The following DLGAP2 variants were observed in gnomAD, a reference collection of about 807,000 sequenced individuals.
The protein encoded by DLGAP2 is DLG associated protein 2.
DLGAP2 carries 26 observed loss-of-function variants against 100.3 expected under a neutral mutation model. The ratio of observed to expected loss-of-function variants is 0.26; its 90% CI spans 0.19 to 0.36. The LOEUF is 0.36. Ranked by LOEUF, DLGAP2 falls within the 10% of genes least tolerant of loss-of-function variation. DLGAP2 has a pLI of 1.00. For missense variants in DLGAP2, 1,858 were observed against 1,453.2 expected (o/e 1.28, Z -4.53); for synonymous variants, 886 against 630.1 (o/e 1.41, Z -6.08).
chr8:1,149,178 C>T (rs959272676), intron 2 of DLGAP2, among the ~76,000 whole-genome samples: 4 of 151,996 alleles, frequency 2.6e-5, no homozygotes, highest in Non-Finnish European at 4.4e-5. Context: ...TGGAGCCTCG[C>T]TCTGTTGCCC....
intron 2 of DLGAP2, among the ~76,000 whole-genome samples, chr8:915,194 T>C (rs1798564824): frequency 6.6e-6 from 1 of 152,156 alleles, no homozygotes. Context: ...CCTGCATCTG[T>C]GTGGATGGTG....
chr8:1,652,043 G>A (rs993905758), intron 8 of DLGAP2, among the ~76,000 whole-genome samples: 11 of 152,298 alleles, frequency 7.2e-5, no homozygotes, highest in East Asian at 1.9e-4. Context: ...TTTTCCTTGA[G>A]AATTAAGTTG....
chr8:1,305,673 TC>T (rs1221073035), intron 3 of DLGAP2, among the ~76,000 whole-genome samples: 3 of 152,174 alleles, frequency 2.0e-5, no homozygotes, highest in Non-Finnish European at 2.9e-5. Context: ...ACTGCAGGCC[TC>T]CATCAACCTG....
Position 1,417,272 on chromosome 8 carries a change from G to A in DLGAP2, c.107-84094G>A, listed in dbSNP as rs190826928. On this transcript the variant is annotated intron_variant, in intron 3 of 14. Coordinates refer to ENST00000637795, the MANE Select transcript of DLGAP2 (RefSeq NM_001346810.2). ...AGACCGGCATTCATTTAGCGTCTGA[G>A]GCGGGAGGAGAGACCGGCGTTCATT... Among the ~76,000 whole-genome samples, 307 of 152,036 alleles carry A rather than the reference G, an allele frequency of 2.0e-3. 1 individual carries two copies. The highest frequency in any genetic ancestry group is 3.4e-3 in the Admixed American group (52 of 15,264).
At chr8:738,526 T>C (rs1314408660) in intron 1 of DLGAP2, 2 of 152,272 alleles carry the variant, frequency 1.3e-5, no homozygotes, top group Non-Finnish European at 2.9e-5. Flanking sequence ...CAGGGTTTTG[T>C]AACTAAGCCT....
chr8:1,079,160 G>C (rs1803718942), intron 2 of DLGAP2, among the ~76,000 whole-genome samples: 1 of 152,182 alleles, frequency 6.6e-6, no homozygotes, highest in Non-Finnish European at 1.5e-5. Context: ...GTGGTGTGGA[G>C]TGTCTTTTCA....
chr8:1,618,733 CCAGA>C (rs1418551314), intron 6 of DLGAP2, among the ~76,000 whole-genome samples: 1 of 152,080 alleles, frequency 6.6e-6, no homozygotes, highest in Non-Finnish European at 1.5e-5. Flanking sequence ...ATATTTGGGG[CCAGA>C]CAATTGTCTC....
At chr8:1,279,982 G>C (rs1799783540) in intron 3 of DLGAP2, among the ~76,000 whole-genome samples, 1 of 152,186 alleles carries the variant, frequency 6.6e-6, no homozygotes, top group Non-Finnish European at 1.5e-5. Flanking sequence ...ACTGTACCAA[G>C]ATGAAGAAGT....
chr8:1,694,822 T>C (rs1284176316), intron 13 of DLGAP2, among the ~76,000 whole-genome samples: 1 of 151,534 alleles, frequency 6.6e-6, no homozygotes, highest in African/African-American at 2.4e-5. Context: ...ATGAGTTTGC[T>C]GGGGGAAAGG....
At chr8:746,189 C>T (rs1263813326) in intron 1 of DLGAP2, among the ~76,000 whole-genome samples, 1 of 152,244 alleles carries the variant, frequency 6.6e-6, no homozygotes, top group Non-Finnish European at 1.5e-5. Context: ...GCCATCCCTC[C>T]AGTGCTCCCA....
At chr8:1,620,785 C>T (rs1276341766) in intron 6 of DLGAP2, among the ~76,000 whole-genome samples, 1 of 152,186 alleles carries the variant, frequency 6.6e-6, no homozygotes, top group Non-Finnish European at 1.5e-5. Flanking sequence ...GCCCCACGCA[C>T]AGGGACCGTC....
chr8:1,266,926 T>C (rs577397493), intron 3 of DLGAP2, among the ~76,000 whole-genome samples: 1 of 152,140 alleles, frequency 6.6e-6, no homozygotes, highest in African/African-American at 2.4e-5. Context: ...AGGGGATGTG[T>C]AATAGTTTGT....
At chr8:1,060,624 A>G (rs543480613) in intron 2 of DLGAP2, among the ~76,000 whole-genome samples, 2 of 152,204 alleles carry the variant, frequency 1.3e-5, no homozygotes, top group South Asian at 4.1e-4. Flanking sequence ...TAAAGACCTC[A>G]TTCCCGAGTA....
intron 2 of DLGAP2, among the ~76,000 whole-genome samples, chr8:1,222,381 C>G (rs1170128764): frequency 6.6e-6 from 1 of 152,194 alleles, no homozygotes; most frequent in Non-Finnish European, 1.5e-5. Context: ...GGGCTGCATG[C>G]TCTAACCCTG....
intron 2 of DLGAP2, among the ~76,000 whole-genome samples, chr8:1,240,776 A>G (rs75701185): frequency 0.023 from 369 of 16,138 alleles, 65 homozygotes; most frequent in African/African-American, 0.12. Context: ...TAGTTGTCTC[A>G]CATGGTGCCG....
chr8:1,222,732 G>T (rs940596244), intron 2 of DLGAP2, among the ~76,000 whole-genome samples: 1 of 152,104 alleles, frequency 6.6e-6, no homozygotes, highest in African/African-American at 2.4e-5. Flanking sequence ...TGCTCTGATG[G>T]TCAGACGGGC....
At chr8:1,694,247 GAC>G (rs1799323044) in intron 13 of DLGAP2, among the ~76,000 whole-genome samples, 2 of 152,226 alleles carry the variant, frequency 1.3e-5, no homozygotes, top group East Asian at 3.9e-4. Context: ...TGGTGCCTGA[GAC>G]AGGCCTGGCA....
At chr8:1,498,684 T>A (rs184352380) in intron 3 of DLGAP2, among the ~76,000 whole-genome samples, 2 of 152,220 alleles carry the variant, frequency 1.3e-5, no homozygotes, top group Admixed American at 1.3e-4. Context: ...TCGGCATTTA[T>A]AACAATCTAC....
At chr8:1,418,022 C>G (rs566509616) in intron 3 of DLGAP2, among the ~76,000 whole-genome samples, 2 of 152,298 alleles carry the variant, frequency 1.3e-5, no homozygotes, top group Admixed American at 6.5e-5. Context: ...CAGTCCCGTT[C>G]TGGACAGTGG....
Sources: gnomAD v4.1 joint callset for allele counts (sites outside exome capture counted in the v4.1 genomes callset) on GRCh38, gnomAD v4.1.1 for gene constraint, MANE v1.5 for transcripts, NCBI Gene and HGNC (gene_info 2026-07-23, HGNC 2026-07-21) for gene names.